The following SUPV3L1 variants were observed in gnomAD, a reference collection of about 807,000 sequenced individuals.
SUPV3L1 encodes the protein Suv3 like RNA helicase.
SUPV3L1 carries 35 observed loss-of-function variants against 70.0 expected under a neutral mutation model. The observed-to-expected ratio is 0.50, with a 90% CI of 0.38 to 0.66. SUPV3L1 has a LOEUF of 0.66. Among genes scored for constraint, SUPV3L1 ranks in the 30% least tolerant of loss-of-function variants. SUPV3L1 has a pLI of 0.00. For missense variants in SUPV3L1, 777 were observed against 961.5 expected (o/e 0.81, Z 2.54); for synonymous variants, 364 against 341.9 (o/e 1.06, Z -0.71).
chr10:69,207,967 T>C, intron 14 of SUPV3L1, 26 bp downstream of exon 14: 9 of 1,602,264 alleles, frequency 5.6e-6, no homozygotes, highest in Non-Finnish European at 7.7e-6. Context: ...CTTTATGTGC[T>C]CTCATTTTTC....
chr10:69,180,753 C>G (rs1842030662), intron 1 of SUPV3L1, among the ~76,000 whole-genome samples, 191 bp downstream of exon 1: 4 of 152,328 alleles, frequency 2.6e-5, no homozygotes, highest in African/African-American at 9.6e-5. Context: ...CTGATTAATT[C>G]TTAACGCCTC....
At chr10:69,182,239 C>G (rs983823658) in intron 1 of SUPV3L1, among the ~76,000 whole-genome samples, 8 of 152,100 alleles carry the variant, frequency 5.3e-5, no homozygotes, top group Non-Finnish European at 8.8e-5. Context: ...CAGGGATCCT[C>G]CTGCCATGGC....
At chr10:69,186,188 T>C in intron 2 of SUPV3L1, 124 bp downstream of exon 2, 1 of 922,688 alleles carries the variant, frequency 1.1e-6, no homozygotes, top group Non-Finnish European at 1.7e-6. Flanking sequence ...TGCTCTTTGC[T>C]TCTGGCTGAG....
At chr10:69,206,711 T>C (rs569907828) in intron 13 of SUPV3L1, among the ~76,000 whole-genome samples, 1 of 152,182 alleles carries the variant, frequency 6.6e-6, no homozygotes, top group South Asian at 2.1e-4. Flanking sequence ...AGGGTTTCTA[T>C]ATAATAAGGG....
At chr10:69,205,838 C>T (rs1842812625) in intron 13 of SUPV3L1, among the ~76,000 whole-genome samples, 1 of 152,250 alleles carries the variant, frequency 6.6e-6, no homozygotes, top group African/African-American at 2.4e-5. Flanking sequence ...CCCGGCCGCT[C>T]CGTGTGTTTT....
At chr10:69,203,146 T>C in intron 13 of SUPV3L1, 103 bp downstream of exon 13, 1 of 1,270,960 alleles carries the variant, frequency 7.9e-7, no homozygotes, top group Non-Finnish European at 1.1e-6. Context: ...GAGTATTCAG[T>C]AATATGAGAG....
intron 13 of SUPV3L1, among the ~76,000 whole-genome samples, chr10:69,206,819 C>T (rs965823678): frequency 6.6e-6 from 1 of 152,142 alleles, no homozygotes; most frequent in Non-Finnish European, 1.5e-5. Flanking sequence ...CCAGCCTGAC[C>T]AACATGATGA....
rs767478181 is a variant in SUPV3L1 at position 69,200,510 on chromosome 10, A to G, written c.1518+11A>G. On this transcript the variant is annotated intron_variant, in intron 11 of 14. Coordinates refer to ENST00000359655, the MANE Select transcript of SUPV3L1 (RefSeq NM_003171.5). ...GTGGATCCTATAAGGGTAAGAGGTA[A>G]CATGTTAACTACTGCTTCTCTGTGG... 5 of 1,599,232 alleles carry G rather than the reference A, an allele frequency of 3.1e-6. No homozygotes were observed. In the South Asian group the frequency reaches 4.4e-5, roughly 14 times the overall value.
rs59328806 is a variant in SUPV3L1, at chr10:69,184,616, TACACACAC to T, written c.272-1342_272-1335del. Among the ~76,000 whole-genome samples, 1,010 of 146,152 alleles carry T rather than the reference TACACACAC, an allele frequency of 6.9e-3. 21 individuals carry two copies. The highest frequency in any genetic ancestry group is 0.024 in the African/African-American group (955 of 39,430). On this transcript the variant is annotated intron_variant, in intron 1 of 14. Transcript: ENST00000359655. ...ATCTGCCTGTGATCTGAAATATAAATACACACACACACACACACACACACACACACACA... is the reference window on the plus strand; with the variant it reads ...ATCTGCCTGTGATCTGAAATATAAATACACACACACACACACACACACACA...
chr10:69,191,843 G>A lies in SUPV3L1; in HGVS notation c.853+77G>A, dbSNP rs1842407960. On this transcript the variant is annotated intron_variant, in intron 6 of 14. Coordinates refer to ENST00000359655, the MANE Select transcript of SUPV3L1 (RefSeq NM_003171.5). Reference sequence around the variant, plus strand: ...TTTTTTCAAGACAGAGTCTTGCTCTGTTGTCCAGGCTGGAATGCAATGGTA... The same window carrying A: ...TTTTTTCAAGACAGAGTCTTGCTCTATTGTCCAGGCTGGAATGCAATGGTA... 1.4e-5 allele frequency: 15 copies of A among 1,106,066 alleles called. No individual in the cohort carries two copies. In the South Asian group the frequency reaches 2.2e-4, roughly 16 times the overall value. 68.5% of individuals were successfully genotyped at this position (1,106,066 alleles called of 1,614,324 possible).
rs371797922 is a variant in SUPV3L1, at chr10:69,199,151, T to C, written c.1252T>C (p.Cys418Arg). 1 of 1,612,770 alleles carries C rather than the reference T, an allele frequency of 6.2e-7. No homozygotes were observed. The highest frequency in any genetic ancestry group is 8.5e-7 in the Non-Finnish European group (1 of 1,179,670). Residue 418 changes from cysteine (C) to arginine (R), a missense_variant, in exon 10 of 15, where the codon TGC becomes CGC. Cys to Arg is a radical substitution (Grantham distance 180). Around this residue, in one of 2 missense-constraint regions of SUPV3L1, gnomAD observed 619 missense variants for 823.3 expected, o/e 0.75. Transcript: ENST00000359655. ...AAAGTTTAATGATCCCAATGACCCA[T>C]GCAAAATCTTGGTTGCTACAGATGC... is the stretch of plus-strand genomic sequence containing the variant. Reference protein sequence around the residue: ...AKKFNDPNDPCKILVATDAIG... With the variant: ...AKKFNDPNDPRKILVATDAIG...
intron 12 of SUPV3L1, 112 bp from the exon 13 acceptor site, chr10:69,202,755 G>T: frequency 8.4e-7 from 1 of 1,193,470 alleles, no homozygotes; most frequent in Non-Finnish European, 1.2e-6. Context: ...AAGCCTTTAT[G>T]GAAGTTTGTT....
intron 4 of SUPV3L1, among the ~76,000 whole-genome samples, chr10:69,188,002 T>C (rs2063047): frequency 0.47 from 71,268 of 151,998 alleles, 19,069 homozygotes; most frequent in Middle Eastern, 0.73. Context: ...TTAAGGATGT[T>C]GTCCTTAAGT....
At chr10:69,180,688 CAG>C in intron 1 of SUPV3L1, 126 bp downstream of exon 1, 1 of 1,281,310 alleles carries the variant, frequency 7.8e-7, no homozygotes, top group Non-Finnish European at 1.1e-6. Context: ...TCGTGCCTCT[CAG>C]TGTCTGCCTC....
intron 10 of SUPV3L1, among the ~76,000 whole-genome samples, chr10:69,199,494 G>A (rs1377754029): frequency 1.3e-5 from 2 of 152,270 alleles, no homozygotes; most frequent in South Asian, 2.1e-4. Context: ...TGATCCTCCT[G>A]CCTCAGCCTC....
chr10:69,193,929 G>A (rs1842467875), intron 6 of SUPV3L1, among the ~76,000 whole-genome samples: 2 of 152,124 alleles, frequency 1.3e-5, no homozygotes, highest in Admixed American at 6.6e-5. Context: ...CCATAGCGAT[G>A]GATTTAAAAC....
At chr10:69,201,846 C>CTTTT (rs11459312) in intron 11 of SUPV3L1, among the ~76,000 whole-genome samples, 1 of 142,132 alleles carries the variant, frequency 7.0e-6, no homozygotes, top group Admixed American at 7.1e-5. Context: ...GCCGTAAAAT[C>CTTTT]TTTTTTTTTT....
In SUPV3L1 at chr10:69,202,520, G is replaced by C; in HGVS notation, c.1599+1G>C. On this transcript the variant is annotated splice_donor_variant, in intron 12 of 14. Transcript: ENST00000359655. LOFTEE classifies it high-confidence loss of function. Reference sequence around the variant, plus strand: ...TGATGCAACACTGTCCAATCTCATTGTAAGTGGAAACTCCCTTTCACATCT... The same window carrying C: ...TGATGCAACACTGTCCAATCTCATTCTAAGTGGAAACTCCCTTTCACATCT... 1 of 1,610,574 alleles carries C rather than the reference G, an allele frequency of 6.2e-7. No homozygotes were observed. Among genetic ancestry groups the C allele is most frequent in the Non-Finnish European group, 8.5e-7 (1 of 1,177,658 alleles).
intron 1 of SUPV3L1, among the ~76,000 whole-genome samples, chr10:69,183,570 T>C (rs916882224): frequency 6.6e-6 from 1 of 152,120 alleles, no homozygotes; most frequent in Non-Finnish European, 1.5e-5. Context: ...TTCCAGCTAC[T>C]TGGGAGGCTG....
Sources: gnomAD v4.1 joint callset for allele counts (sites outside exome capture counted in the v4.1 genomes callset) on GRCh38, gnomAD v4.1.1 for gene constraint, gnomAD v4.1.1 regional missense constraint, MANE v1.5 for transcripts, NCBI Gene and HGNC (gene_info 2026-07-23, HGNC 2026-07-21) for gene names.